Variants in ZNF423 observed in about 807,000 individuals in gnomAD.
The protein encoded by ZNF423 is zinc finger protein 423.
In ZNF423, 12 loss-of-function variants were observed where a neutral mutation model predicts 95.8. The ratio of observed to expected loss-of-function variants is 0.13; its 90% CI spans 0.08 to 0.20. The LOEUF is 0.20. Ranked by LOEUF, ZNF423 falls within the 10% of genes least tolerant of loss-of-function variation. The pLI, the probability that ZNF423 is intolerant of heterozygous loss-of-function variation, is 1.00. For missense variants in ZNF423, 1,316 were observed against 1,737.1 expected, an observed-to-expected ratio of 0.76 and a Z score of 4.31; for synonymous variants, 749 against 711.9, an observed-to-expected ratio of 1.05 and a Z score of -0.83.
rs1311039554 is a variant in ZNF423 at position 49,638,965 on chromosome 16, G to A, written c.302-91C>T. ...CCAGCTTCTCGACAGCACGCGGGCT[G>A]AGGCTGTGCAGCTGGCCAACGGCTG... On this transcript the variant is annotated intron_variant, in intron 3 of 7. Coordinates refer to ENST00000563137, the MANE Select transcript of ZNF423 (RefSeq NM_001379286.1). The surrounding 1 kb of genome is among the most constrained non-coding windows in gnomAD (Gnocchi z 5.6). 2.0e-6 allele frequency: 3 copies of A among 1,470,688 alleles called. No individual in the cohort carries two copies. Among genetic ancestry groups the A allele is most frequent in the East Asian group, 4.9e-5 (2 of 40,866 alleles). The allele number at this position is 1,470,688 out of a possible 1,614,324, so 91.1% of individuals were successfully genotyped here.
At chr16:49,769,346 C>T (rs766260839) in intron 2 of ZNF423, among the ~76,000 whole-genome samples, 2 of 143,636 alleles carry the variant, frequency 1.4e-5, no homozygotes, top group Non-Finnish European at 3.0e-5. Flanking sequence ...CAGAATGAGA[C>T]TCTGTCTCAA....
intron 2 of ZNF423, among the ~76,000 whole-genome samples, chr16:49,768,096 C>T (rs558896094): frequency 2.9e-3 from 444 of 152,352 alleles, no homozygotes; most frequent in Non-Finnish European, 4.1e-3. Context: ...GGCCCACTTC[C>T]GCAGGCTGGC....
At chr16:49,813,089 C>T (rs1436984062) in intron 1 of ZNF423, among the ~76,000 whole-genome samples, 1 of 152,130 alleles carries the variant, frequency 6.6e-6, no homozygotes, top group Non-Finnish European at 1.5e-5. Context: ...CTAGTTGTAG[C>T]CCTACTAGGC....
chr16:49,813,474 C>T lies in ZNF423; in HGVS notation c.41-23928G>A, dbSNP rs189930477. On this transcript the variant is annotated intron_variant, in intron 1 of 7. Transcript: ENST00000563137. ...ACCCTAACCTCAATGTGCCACCAGTCAAAATGCCCTGCCCTCCCCTGGGCC... is the reference window on the plus strand; with the variant it reads ...ACCCTAACCTCAATGTGCCACCAGTTAAAATGCCCTGCCCTCCCCTGGGCC... Among the ~76,000 whole-genome samples, 432 of 152,300 alleles carry T rather than the reference C, an allele frequency of 2.8e-3. 1 individual carries two copies. Among genetic ancestry groups the T allele is most frequent in the African/African-American group, 0.01 (420 of 41,574 alleles).
At chr16:49,609,001 T>A (rs1971629773) in intron 5 of ZNF423, among the ~76,000 whole-genome samples, 1 of 152,136 alleles carries the variant, frequency 6.6e-6, no homozygotes, top group Non-Finnish European at 1.5e-5. Flanking sequence ...CCTTTCCCCA[T>A]GGTGTCAGTA....
At chr16:49,791,383 A>G (rs897554086) in intron 1 of ZNF423, among the ~76,000 whole-genome samples, 1 of 152,216 alleles carries the variant, frequency 6.6e-6, no homozygotes, top group Non-Finnish European at 1.5e-5. Context: ...CTAATGCCTA[A>G]AGCCATCAGA....
chr16:49,501,249 C>T (rs1239291170), intron 7 of ZNF423, among the ~76,000 whole-genome samples: 2 of 152,188 alleles, frequency 1.3e-5, no homozygotes, highest in Non-Finnish European at 2.9e-5. Flanking sequence ...CCAGTGGGGT[C>T]TGTGTCAGCC....
intron 1 of ZNF423, among the ~76,000 whole-genome samples, chr16:49,809,268 A>C (rs1471356733): frequency 2.6e-5 from 4 of 152,194 alleles, no homozygotes; most frequent in Non-Finnish European, 5.9e-5. Context: ...GCTCTCCCAC[A>C]CCATCAGAAA....
intron 2 of ZNF423, among the ~76,000 whole-genome samples, chr16:49,756,300 G>A (rs758890873): frequency 3.3e-5 from 5 of 152,204 alleles, no homozygotes; most frequent in Non-Finnish European, 5.9e-5. Context: ...CTATCTTAAT[G>A]ACAGCTCTCT....
intron 5 of ZNF423, among the ~76,000 whole-genome samples, chr16:49,617,546 A>G (rs1197082363): frequency 6.6e-6 from 1 of 152,200 alleles, no homozygotes; most frequent in Non-Finnish European, 1.5e-5. Context: ...CCAGGGCTCC[A>G]GTGCCAGCCC....
rs149220923 is a variant in ZNF423 at position 49,740,656 on chromosome 16, A to G, written c.101-9685T>C. ...TGTCTGGGGAGACCCCGGTGTCCCT[A>G]TCGGTGCCTGTGGCTCTGTGGATGG... On this transcript the variant is annotated intron_variant, in intron 2 of 7. Coordinates refer to ENST00000563137, the MANE Select transcript of ZNF423 (RefSeq NM_001379286.1). Among the ~76,000 whole-genome samples the G allele has an allele frequency of 5.8e-4, 89 of 152,334 alleles. No homozygotes were observed. In the East Asian group the frequency reaches 0.015, roughly 25 times the overall value.
At chr16:49,851,857 C>G (rs2035305711) in intron 1 of ZNF423, among the ~76,000 whole-genome samples, 1 of 152,126 alleles carries the variant, frequency 6.6e-6, no homozygotes, top group Non-Finnish European at 1.5e-5. Context: ...GAAACAGGCC[C>G]TACCAAAGCT....
intron 2 of ZNF423, among the ~76,000 whole-genome samples, chr16:49,760,740 C>T (rs1243382721): frequency 6.6e-6 from 1 of 152,016 alleles, no homozygotes; most frequent in Non-Finnish European, 1.5e-5. Flanking sequence ...CTGGACCTGA[C>T]TCTTGATTGA....
At position 49,856,047 on chromosome 16, in the gene ZNF423, C is replaced by T. The variant is rs564322756; in HGVS notation, c.-273G>A. ...TGTTGCAATGCGGCAGTCCGGGGCT[C>T]CCGATCCAAGCGGCGGTCCCAGCGG... On this transcript the variant is annotated 5_prime_UTR_variant, in exon 1 of 8. Transcript: ENST00000563137. 3.4e-4 allele frequency: 49 copies of T among 144,754 alleles called. No individual in the cohort carries two copies. The highest frequency in any genetic ancestry group is 1.2e-3 in the African/African-American group (47 of 38,878). The allele number at this position is 144,754 out of a possible 1,614,324, so 9.0% of individuals were successfully genotyped here. A position where few individuals can be genotyped will look rare whatever the true frequency, so the allele number is the denominator to read the frequency against.
intron 7 of ZNF423, among the ~76,000 whole-genome samples, chr16:49,522,253 C>T (rs908164561): frequency 2.0e-5 from 3 of 152,190 alleles, no homozygotes; most frequent in African/African-American, 7.2e-5. Context: ...CTGCCTCACC[C>T]GCTTTGAGGT....
chr16:49,632,575 G>T (rs1027713552), intron 4 of ZNF423, among the ~76,000 whole-genome samples: 2 of 152,096 alleles, frequency 1.3e-5, no homozygotes, highest in Non-Finnish European at 2.9e-5. Flanking sequence ...AGGAAGGCCT[G>T]GGGGCCCCCA....
intron 3 of ZNF423, among the ~76,000 whole-genome samples, chr16:49,700,550 G>C (rs1287939627): frequency 1.3e-5 from 2 of 152,236 alleles, no homozygotes; most frequent in African/African-American, 4.8e-5. Flanking sequence ...GCACTGGGGA[G>C]GAAAATCAGG....
intron 1 of ZNF423, among the ~76,000 whole-genome samples, chr16:49,795,646 G>C (rs976649276): frequency 6.6e-6 from 1 of 152,184 alleles, no homozygotes; most frequent in African/African-American, 2.4e-5. Flanking sequence ...ACACTTCACC[G>C]GACAGGGCCT....
chr16:49,767,208 G>A (rs746266442), intron 2 of ZNF423, among the ~76,000 whole-genome samples: 10 of 151,942 alleles, frequency 6.6e-5, no homozygotes, highest in Non-Finnish European at 1.2e-4. Flanking sequence ...CTCCTGCATC[G>A]GCCTCCCAAA....
Sources: allele counts gnomAD v4.1 joint callset (sites outside exome capture counted in the v4.1 genomes callset), GRCh38; gene constraint gnomAD v4.1.1; non-coding constraint Gnocchi (gnomAD v3.1); transcripts MANE v1.5; gene names NCBI Gene and HGNC (gene_info 2026-07-23, HGNC 2026-07-21).